Variants in SH3RF3 observed in about 807,000 individuals in gnomAD.
SH3RF3 encodes SH3 domain containing ring finger 3, also known as E3 ubiquitin-protein ligase SH3RF3.
In SH3RF3, 29 loss-of-function variants were observed where a neutral mutation model predicts 66.3. The ratio of observed to expected loss-of-function variants is 0.44; its 90% CI spans 0.33 to 0.60. The LOEUF (loss-of-function observed/expected upper bound fraction) is 0.60. Ranked by LOEUF, SH3RF3 falls within the 20% of genes least tolerant of loss-of-function variation. The probability of loss-of-function intolerance (pLI) is 0.04; values close to 1 mark genes in which losing one functional copy is unlikely to be tolerated. For synonymous variants in SH3RF3, 583 were observed against 532.0 expected (o/e 1.10, Z -1.32); for missense variants, 1,194 against 1,190.9 (o/e 1.00, Z -0.04).
At chr2:109,458,534 C>T (rs955731666) in intron 8 of SH3RF3, among the ~76,000 whole-genome samples, 2 of 141,042 alleles carry the variant, frequency 1.4e-5, no homozygotes, top group African/African-American at 5.1e-5. Context: ...TGGTTTGTAT[C>T]AGTCAGGGAT....
intron 1 of SH3RF3, among the ~76,000 whole-genome samples, chr2:109,235,702 G>T (rs1210042553): frequency 6.6e-6 from 1 of 152,238 alleles, no homozygotes; most frequent in African/African-American, 2.4e-5. Flanking sequence ...AAGATTGAAG[G>T]TGTGCAGTCG....
chr2:109,312,281 T>C (rs1681747813), intron 1 of SH3RF3, among the ~76,000 whole-genome samples: 1 of 152,188 alleles, frequency 6.6e-6, no homozygotes, highest in Non-Finnish European at 1.5e-5. Flanking sequence ...TGCCCACTTT[T>C]CTTGTGAATG....
chr2:109,367,119 ATTTTTT>A (rs150005222), intron 2 of SH3RF3, among the ~76,000 whole-genome samples: 3 of 113,320 alleles, frequency 2.6e-5, no homozygotes, highest in Middle Eastern at 0.01. Flanking sequence ...TGCCCTGGTA[ATTTTTT>A]TTTTTTTTTT....
intron 1 of SH3RF3, among the ~76,000 whole-genome samples, chr2:109,203,632 CT>C (rs1678738730): frequency 6.6e-6 from 1 of 152,138 alleles, no homozygotes; most frequent in Non-Finnish European, 1.5e-5. Context: ...CATCGTGGCC[CT>C]GTCTCTGTGC....
chr2:109,479,526 G>C (rs546785664), intron 8 of SH3RF3, among the ~76,000 whole-genome samples: 1 of 152,164 alleles, frequency 6.6e-6, no homozygotes, highest in East Asian at 1.9e-4. Context: ...TTCTCCCTGG[G>C]GTGTCGGGAT....
chr2:109,383,125 T>G (rs1043845317), intron 3 of SH3RF3, among the ~76,000 whole-genome samples: 1 of 152,234 alleles, frequency 6.6e-6, no homozygotes, highest in Non-Finnish European at 1.5e-5. Flanking sequence ...CAGGCAGACC[T>G]TGTGAGTGCT....
At chr2:109,279,182 AC>A (rs1431925513) in intron 1 of SH3RF3, among the ~76,000 whole-genome samples, 2 of 152,162 alleles carry the variant, frequency 1.3e-5, no homozygotes, top group African/African-American at 4.8e-5. Flanking sequence ...TTCCATGCAT[AC>A]GTTTTGGGAA....
chr2:109,407,954 T>G (rs1287716409), intron 4 of SH3RF3, among the ~76,000 whole-genome samples: 2 of 152,158 alleles, frequency 1.3e-5, no homozygotes, highest in Non-Finnish European at 2.9e-5. Flanking sequence ...TTTCTTTTGC[T>G]GCTATGACGA....
At chr2:109,296,921 C>T (rs1159272330) in intron 1 of SH3RF3, among the ~76,000 whole-genome samples, 5 of 152,130 alleles carry the variant, frequency 3.3e-5, no homozygotes, top group Admixed American at 2.0e-4. Context: ...GTGGATTGGG[C>T]TGCAGTGTGG....
chr2:109,341,177 T>C lies in SH3RF3; in HGVS notation c.574-6497T>C, dbSNP rs149896901. Among the ~76,000 whole-genome samples, 926 of 152,226 alleles carry C rather than the reference T, an allele frequency of 6.1e-3. 4 individuals are homozygous for C. Among genetic ancestry groups the C allele is most frequent in the South Asian group, 0.011 (51 of 4,816 alleles). ...GAAAAGAGGGGACAAAACAAAAAGT[T>C]TGGACCCAACAAGCAGCTTTGAATG... On this transcript the variant is annotated intron_variant, in intron 1 of 9. Coordinates refer to ENST00000309415, the MANE Select transcript of SH3RF3 (RefSeq NM_001099289.3).
intron 1 of SH3RF3, among the ~76,000 whole-genome samples, chr2:109,168,632 C>T (rs1435209314): frequency 6.6e-6 from 1 of 151,556 alleles, no homozygotes. Flanking sequence ...TCTTACAAAT[C>T]GATGCCATGG....
chr2:109,277,513 C>T (rs1304544002), intron 1 of SH3RF3, among the ~76,000 whole-genome samples: 5 of 152,176 alleles, frequency 3.3e-5, no homozygotes, highest in Non-Finnish European at 7.3e-5. Context: ...CCGAGCAGTC[C>T]GTGGAATACC....
chr2:109,334,523 G>A (rs763357934), intron 1 of SH3RF3, among the ~76,000 whole-genome samples: 1 of 152,144 alleles, frequency 6.6e-6, no homozygotes, highest in African/African-American at 2.4e-5. Flanking sequence ...TAAAGGAAGG[G>A]TGCTAGTGGT....
chr2:109,262,925 C>T (rs528454125), intron 1 of SH3RF3, among the ~76,000 whole-genome samples: 5 of 152,182 alleles, frequency 3.3e-5, no homozygotes, highest in South Asian at 2.1e-4. Flanking sequence ...CTTTGCCTCC[C>T]GGGTTCCAGC....
intron 1 of SH3RF3, among the ~76,000 whole-genome samples, chr2:109,138,704 C>G (rs2104822428): frequency 6.6e-6 from 1 of 152,350 alleles, no homozygotes; most frequent in South Asian, 2.1e-4. Flanking sequence ...AGGGAACACA[C>G]AGAATGAATG....
intron 1 of SH3RF3, among the ~76,000 whole-genome samples, chr2:109,155,123 C>T (rs1226669249): frequency 6.6e-6 from 1 of 152,208 alleles, no homozygotes; most frequent in Non-Finnish European, 1.5e-5. Flanking sequence ...AGGCATTTTG[C>T]AAACTACAAC....
chr2:109,242,126 T>C (rs1340220737), intron 1 of SH3RF3, among the ~76,000 whole-genome samples: 5 of 152,076 alleles, frequency 3.3e-5, no homozygotes, highest in Non-Finnish European at 7.4e-5. Context: ...CTGTTTTCCC[T>C]GGTCATGGTG....
intron 7 of SH3RF3, 52 bp downstream of exon 7, chr2:109,437,198 G>A (rs1435268510): frequency 1.3e-6 from 2 of 1,547,374 alleles, no homozygotes; most frequent in Admixed American, 1.9e-5. Context: ...GGGCTTCCTG[G>A]GACATGCTTG....
Position 109,356,930 on chromosome 2 carries a change from C to T in SH3RF3, c.849+8981C>T, listed in dbSNP as rs112617950. Among the ~76,000 whole-genome samples the T allele has an allele frequency of 9.5e-3, 1,440 of 152,268 alleles. 10 individuals carry two copies. The highest frequency in any genetic ancestry group is 0.022 in the African/African-American group (917 of 41,530). On this transcript the variant is annotated intron_variant, in intron 2 of 9. Transcript: ENST00000309415. ...CCTCCTTCCCTGGCTTGCCATGACT[C>T]GGTTCTGGACTGTTCCGTGATGGTC...
Sources: allele counts gnomAD v4.1 joint callset (sites outside exome capture counted in the v4.1 genomes callset), GRCh38; gene constraint gnomAD v4.1.1; transcripts MANE v1.5; gene names NCBI Gene and HGNC (gene_info 2026-07-23, HGNC 2026-07-21).